The following SMOC1 variants were observed in gnomAD, a reference collection of about 807,000 sequenced individuals.
The protein encoded by SMOC1 is SPARC-related modular calcium-binding protein 1.
Under a neutral mutation model 56.3 loss-of-function variants are expected in SMOC1, and 22 were observed. That is an observed-to-expected ratio of 0.39 (90% confidence interval 0.28 to 0.56). The LOEUF (loss-of-function observed/expected upper bound fraction) is 0.56. SMOC1 is among the 20% of genes least tolerant of loss of function. The pLI is 0.61. For missense variants in SMOC1, 509 were observed against 565.4 expected (o/e 0.90, Z 1.01); for synonymous variants, 193 against 215.0 (o/e 0.90, Z 0.89).
chr14:69,975,595 G>A, intron 3 of SMOC1, 120 bp from the exon 4 acceptor site: 1 of 769,140 alleles, frequency 1.3e-6, no homozygotes, highest in South Asian at 1.4e-5. Flanking sequence ...ACAGATGTGG[G>A]GATGAGAGGT....
intron 1 of SMOC1, among the ~76,000 whole-genome samples, chr14:69,935,703 A>G (rs974173158): frequency 6.6e-6 from 1 of 152,194 alleles, no homozygotes; most frequent in Non-Finnish European, 1.5e-5. Context: ...GCTTTGGTGT[A>G]TCCCCACTCT....
chr14:69,917,007 T>A (rs1003495387), intron 1 of SMOC1, among the ~76,000 whole-genome samples: 2 of 152,174 alleles, frequency 1.3e-5, no homozygotes, highest in African/African-American at 4.8e-5. Context: ...TATAATACGG[T>A]GGTGGTTTTC....
chr14:69,948,919 G>A (rs1327495095), intron 1 of SMOC1, among the ~76,000 whole-genome samples: 1 of 152,168 alleles, frequency 6.6e-6, no homozygotes, highest in Non-Finnish European at 1.5e-5. Flanking sequence ...ACCCATGGCT[G>A]GGCTCCAGAG....
At chr14:69,942,635 G>A (rs970506039) in intron 1 of SMOC1, among the ~76,000 whole-genome samples, 8 of 152,116 alleles carry the variant, frequency 5.3e-5, no homozygotes, top group Admixed American at 5.2e-4. Flanking sequence ...GCCTTTTCCA[G>A]GATGTCACAT....
At chr14:69,966,000 G>C (rs1027081378) in intron 3 of SMOC1, among the ~76,000 whole-genome samples, 1 of 152,110 alleles carries the variant, frequency 6.6e-6, no homozygotes, top group African/African-American at 2.4e-5. Context: ...ACTCAGGTGG[G>C]AGGTGTGAAG....
At chr14:69,991,260 C>T (rs528369360) in intron 5 of SMOC1, among the ~76,000 whole-genome samples, 5 of 151,882 alleles carry the variant, frequency 3.3e-5, no homozygotes, top group Admixed American at 6.6e-5. Context: ...CTCCTTCCCT[C>T]CCCCCGTGGA....
chr14:69,881,910 G>A (rs931260463), intron 1 of SMOC1, among the ~76,000 whole-genome samples: 3 of 152,176 alleles, frequency 2.0e-5, no homozygotes, highest in African/African-American at 4.8e-5. Flanking sequence ...GTGGCCAATC[G>A]ACTTGCCTGA....
At chr14:69,889,632 T>C (rs1242290217) in intron 1 of SMOC1, among the ~76,000 whole-genome samples, 1 of 152,216 alleles carries the variant, frequency 6.6e-6, no homozygotes, top group Non-Finnish European at 1.5e-5. Context: ...ATTAGCTTTC[T>C]ATTGCTGCCA....
At chr14:69,994,031 G>C (rs931472747) in intron 6 of SMOC1, among the ~76,000 whole-genome samples, 3 of 152,330 alleles carry the variant, frequency 2.0e-5, no homozygotes, top group Admixed American at 2.0e-4. Context: ...TGGTTTGTTT[G>C]GCGTTCGTTT....
At chr14:70,004,311 G>A (rs147497971) in intron 7 of SMOC1, among the ~76,000 whole-genome samples, 1 of 152,250 alleles carries the variant, frequency 6.6e-6, no homozygotes, top group African/African-American at 2.4e-5. Flanking sequence ...GGTCAATTTG[G>A]CTAGGCCATC....
Position 69,952,184 on chromosome 14 carries a change from G to C in SMOC1, c.146G>C (p.Arg49Thr), listed in dbSNP as rs1308825784. The change falls in exon 2 of 12, where the codon AGG (arginine) becomes ACG (threonine). Residue 49 changes from arginine (R) to threonine (T), a missense_variant. Arg to Thr is a moderately conservative substitution (Grantham distance 71). Transcript: ENST00000361956. ...RDPQCNLHCS[R>T]TQPKPICASD... ...CCACAGTGCAACCTCCACTGCTCCA[G>C]GACTCAACCCAAACCCATCTGTGCC... 6.2e-7 allele frequency: 1 copy of C among 1,614,116 alleles called. No homozygotes were observed. Among genetic ancestry groups the C allele is most frequent in the Admixed American group, 1.7e-5 (1 of 60,018 alleles).
chr14:69,933,582 T>C (rs1885221964), intron 1 of SMOC1, among the ~76,000 whole-genome samples: 1 of 152,184 alleles, frequency 6.6e-6, no homozygotes, highest in Non-Finnish European at 1.5e-5. Context: ...CAGGCTGGGG[T>C]ACAATGGTGT....
chr14:70,030,340 G>A lies in SMOC1; in HGVS notation c.*82G>A. On this transcript the variant is annotated 3_prime_UTR_variant, in exon 12 of 12. Coordinates refer to ENST00000361956, the MANE Select transcript of SMOC1 (RefSeq NM_001034852.3). ...ACACCTAACCTTCAGCGTTGCCCAT[G>A]GCCCTGCCACATCCCGTGTAACATA... 6.4e-7 allele frequency: 1 copy of A among 1,554,592 alleles called. No homozygotes were observed. The highest frequency in any genetic ancestry group is 8.8e-7 in the Non-Finnish European group (1 of 1,135,220).
chr14:69,964,606 T>A (rs1883499909), intron 3 of SMOC1, among the ~76,000 whole-genome samples: 1 of 152,110 alleles, frequency 6.6e-6, no homozygotes, highest in Non-Finnish European at 1.5e-5. Context: ...CTCGATTTGC[T>A]GACCTCGAGA....
At chr14:69,939,989 C>T (rs1168667677) in intron 1 of SMOC1, among the ~76,000 whole-genome samples, 1 of 152,196 alleles carries the variant, frequency 6.6e-6, no homozygotes, top group East Asian at 1.9e-4. Flanking sequence ...CACCTCATTT[C>T]TGTTTCTCTT....
At chr14:69,933,756 G>T (rs1885228218) in intron 1 of SMOC1, among the ~76,000 whole-genome samples, 1 of 152,182 alleles carries the variant, frequency 6.6e-6, no homozygotes, top group Non-Finnish European at 1.5e-5. Flanking sequence ...GACCTCAAGT[G>T]ATCTGCCTGT....
chr14:70,009,926 A>G (rs532982166), intron 7 of SMOC1, among the ~76,000 whole-genome samples: 214 of 152,332 alleles, frequency 1.4e-3, no homozygotes, highest in Non-Finnish European at 2.7e-3. Flanking sequence ...CAGGCAGGCT[A>G]AGTGGTTGAT....
At chr14:70,006,350 T>C (rs553343516) in intron 7 of SMOC1, among the ~76,000 whole-genome samples, 6 of 152,206 alleles carry the variant, frequency 3.9e-5, no homozygotes, top group Non-Finnish European at 7.3e-5. Context: ...CAAATAAATG[T>C]TAGCTATTGT....
chr14:69,903,146 T>C (rs1338665619), intron 1 of SMOC1, among the ~76,000 whole-genome samples: 4 of 149,108 alleles, frequency 2.7e-5, no homozygotes, highest in African/African-American at 5.0e-5. Flanking sequence ...CGCCTCTTCC[T>C]GGCCGCCATC....
Sources: allele counts gnomAD v4.1 joint callset (sites outside exome capture counted in the v4.1 genomes callset), GRCh38; gene constraint gnomAD v4.1.1; transcripts MANE v1.5; gene names NCBI Gene and HGNC (gene_info 2026-07-23, HGNC 2026-07-21).